Variants in SPPL3 observed in about 807,000 individuals in gnomAD.
SPPL3 encodes signal peptide peptidase-like 3.
In SPPL3, 5 loss-of-function variants were observed where a neutral mutation model predicts 42.4. The ratio of observed to expected loss-of-function variants is 0.12; its 90% confidence interval spans 0.06 to 0.25. The LOEUF (loss-of-function observed/expected upper bound fraction) is 0.25, where lower values mean the gene tolerates loss of function less well. SPPL3 is among the 10% of genes least tolerant of loss of function. The probability of loss-of-function intolerance (pLI) is 1.00; values close to 1 mark genes in which losing one functional copy is unlikely to be tolerated. For synonymous variants in SPPL3, 195 were observed against 181.8 expected (o/e 1.07, Z -0.58); for missense variants, 235 against 489.0 (o/e 0.48, Z 4.90).
intron 2 of SPPL3, among the ~76,000 whole-genome samples, chr12:120,806,962 C>A (rs1443530215): frequency 1.3e-5 from 2 of 151,924 alleles, no homozygotes; most frequent in Admixed American, 1.3e-4. Context: ...AAAGCATGAT[C>A]CATAAAACGT....
At chr12:120,901,147 T>C (rs879526693) in intron 1 of SPPL3, among the ~76,000 whole-genome samples, 1 of 152,176 alleles carries the variant, frequency 6.6e-6, no homozygotes, top group Non-Finnish European at 1.5e-5. Flanking sequence ...AACATACCAC[T>C]TGGCCTCCCA....
At chr12:120,774,269 C>A (rs1566038009) in intron 6 of SPPL3, among the ~76,000 whole-genome samples, 1 of 152,164 alleles carries the variant, frequency 6.6e-6, no homozygotes, top group African/African-American at 2.4e-5. Flanking sequence ...TCTCCTTTCC[C>A]TCCCTCCCTC....
intron 1 of SPPL3, among the ~76,000 whole-genome samples, chr12:120,862,935 AAAGG>A (rs1872652274): frequency 6.6e-6 from 1 of 152,220 alleles, no homozygotes; most frequent in Non-Finnish European, 1.5e-5. Flanking sequence ...GGTAGGGTTG[AAAGG>A]GACTTCTCAT....
At chr12:120,808,685 T>A (rs924939121) in intron 2 of SPPL3, among the ~76,000 whole-genome samples, 3 of 152,218 alleles carry the variant, frequency 2.0e-5, no homozygotes, top group African/African-American at 7.2e-5. Context: ...CAACGAAATG[T>A]CAAATTACTA....
At chr12:120,892,420 C>T (rs1234559206) in intron 1 of SPPL3, among the ~76,000 whole-genome samples, 1 of 152,064 alleles carries the variant, frequency 6.6e-6, no homozygotes, top group Non-Finnish European at 1.5e-5. Context: ...GGCTCCACAG[C>T]AAGGGGAAAA....
At chr12:120,813,239 CGTT>C (rs35212140) in intron 1 of SPPL3, among the ~76,000 whole-genome samples, 14,748 of 150,744 alleles carry the variant, frequency 0.098, 1,538 homozygotes, top group African/African-American at 0.27. Context: ...TTCCTTTAAT[CGTT>C]GTAAAAAATA....
chr12:120,789,120 G>C lies in SPPL3; in HGVS notation c.190+2349C>G, dbSNP rs377077201. On this transcript the variant is annotated intron_variant, in intron 3 of 10. Coordinates refer to ENST00000353487, the MANE Select transcript of SPPL3 (RefSeq NM_139015.5). ...TCAGAGCAGGCACTGAAGAAATGTT[G>C]TCAAGGATAATTTAGTACAACATAG... 7.2e-5 allele frequency among the ~76,000 whole-genome samples: 11 copies of C among 152,308 alleles called. No homozygotes were observed. The South Asian group carries it at 2.3e-3, about 32-fold the overall frequency.
intron 1 of SPPL3, among the ~76,000 whole-genome samples, chr12:120,872,784 G>T (rs1215869372): frequency 2.0e-5 from 3 of 152,114 alleles, no homozygotes; most frequent in Admixed American, 2.0e-4. Flanking sequence ...ACCTTAGTAG[G>T]GGGGCCAAGT....
intron 1 of SPPL3, among the ~76,000 whole-genome samples, chr12:120,855,707 G>A (rs906982389): frequency 2.2e-5 from 3 of 135,398 alleles, no homozygotes; most frequent in East Asian, 2.5e-4. Flanking sequence ...AAAAAAAAAA[G>A]AAAAGAAAAG....
At chr12:120,838,490 TG>T (rs1364486439) in intron 1 of SPPL3, among the ~76,000 whole-genome samples, 1 of 152,198 alleles carries the variant, frequency 6.6e-6, no homozygotes, top group Non-Finnish European at 1.5e-5. Context: ...TTAAGCCTCC[TG>T]GGAACGCTGT....
chr12:120,884,808 G>GGTT (rs35074232), intron 1 of SPPL3, among the ~76,000 whole-genome samples: 69 of 137,494 alleles, frequency 5.0e-4, no homozygotes, highest in African/African-American at 1.3e-3. Context: ...TTTTTTTTGG[G>GGTT]TTTTTTTTTT....
At chr12:120,846,907 T>G (rs952388653) in intron 1 of SPPL3, among the ~76,000 whole-genome samples, 4 of 152,168 alleles carry the variant, frequency 2.6e-5, no homozygotes, top group African/African-American at 9.6e-5. Context: ...GGAGGTTTCT[T>G]TCAGGCCCTC....
intron 1 of SPPL3, among the ~76,000 whole-genome samples, chr12:120,814,846 T>C (rs1275962220): frequency 4.6e-5 from 7 of 152,194 alleles, no homozygotes; most frequent in Non-Finnish European, 1.0e-4. Flanking sequence ...AATATACTGC[T>C]CAGTATCTCC....
chr12:120,903,950 G>T lies in SPPL3; in HGVS notation c.-83C>A. ...TCGCTCGGGCCGTAGCTGAAGGCGCGGCCGGGGTCCGGTGCTTGCTTGCTT... is the reference window on the plus strand; with the variant it reads ...TCGCTCGGGCCGTAGCTGAAGGCGCTGCCGGGGTCCGGTGCTTGCTTGCTT... On this transcript the variant is annotated 5_prime_UTR_variant, in exon 1 of 11. Coordinates refer to ENST00000353487, the MANE Select transcript of SPPL3 (RefSeq NM_139015.5). The T allele has an allele frequency of 8.3e-7, 1 of 1,209,146 alleles. No homozygotes were observed. The highest frequency in any genetic ancestry group is 1.1e-6 in the Non-Finnish European group (1 of 950,548). 74.9% of individuals were successfully genotyped at this position (1,209,146 alleles called of 1,614,324 possible). A position where few individuals can be genotyped will look rare whatever the true frequency, so the allele number is the denominator to read the frequency against.
intron 1 of SPPL3, among the ~76,000 whole-genome samples, chr12:120,881,800 C>CA (rs35054814): frequency 0.49 from 70,465 of 144,192 alleles, 16,841 homozygotes; most frequent in East Asian, 0.57. Flanking sequence ...AAGCCAATAA[C>CA]AAAAAAAAAA....
chr12:120,818,343 A>G (rs1373552123), intron 1 of SPPL3, among the ~76,000 whole-genome samples: 1 of 55,930 alleles, frequency 1.8e-5, no homozygotes, highest in African/African-American at 3.7e-5. Context: ...TTATATATTC[A>G]TTATGAAGAC....
At chr12:120,875,328 CATT>C (rs1439953221) in intron 1 of SPPL3, among the ~76,000 whole-genome samples, 1 of 151,886 alleles carries the variant, frequency 6.6e-6, no homozygotes, top group African/African-American at 2.4e-5. Context: ...AATAGTATAA[CATT>C]ATTTCAACAT....
chr12:120,836,482 A>G (rs1287081697), intron 1 of SPPL3, among the ~76,000 whole-genome samples: 1 of 152,194 alleles, frequency 6.6e-6, no homozygotes, highest in African/African-American at 2.4e-5. Flanking sequence ...CATGTGAATG[A>G]GACCATCCTG....
At chr12:120,903,813 CGCCTCCCG>C (rs1874067321) in intron 1 of SPPL3, 24 bp downstream of exon 1, 4 of 1,457,538 alleles carry the variant, frequency 2.7e-6, no homozygotes, top group Non-Finnish European at 3.6e-6. Flanking sequence ...CCACCCTTGC[CGCCTCCCG>C]GCCTCCCGGA....
Sources: allele counts gnomAD v4.1 joint callset (sites outside exome capture counted in the v4.1 genomes callset), GRCh38; gene constraint gnomAD v4.1.1; transcripts MANE v1.5; gene names NCBI Gene and HGNC (gene_info 2026-07-23, HGNC 2026-07-21).